Variants in DDX10 observed in about 807,000 individuals in gnomAD.
DDX10 encodes DEAD-box helicase 10, also known as probable ATP-dependent RNA helicase DDX10.
A neutral mutation model predicts 104.3 loss-of-function variants in DDX10; 74 were observed. The ratio of observed to expected loss-of-function variants is 0.71; its 90% CI spans 0.59 to 0.86. DDX10 has a LOEUF of 0.86. Among genes scored for constraint, DDX10 ranks in the 40% least tolerant of loss-of-function variants. The pLI is 0.00. For synonymous variants in DDX10, 351 were observed against 353.4 expected, an observed-to-expected ratio of 0.99 and a Z score of 0.08; for missense variants, 952 against 1,040.0, an observed-to-expected ratio of 0.92 and a Z score of 1.16.
intron 13 of DDX10, among the ~76,000 whole-genome samples, chr11:108,749,170 G>A (rs1301402566): frequency 1.3e-5 from 2 of 151,952 alleles, no homozygotes; most frequent in Non-Finnish European, 2.9e-5. Flanking sequence ...AAGCTGCTGG[G>A]ATTACAGGCG....
intron 13 of DDX10, among the ~76,000 whole-genome samples, chr11:108,728,718 G>A (rs1272317523): frequency 6.6e-6 from 1 of 151,888 alleles, no homozygotes; most frequent in African/African-American, 2.4e-5. Context: ...GGTTCTTTCT[G>A]TGTTCCCCAG....
chr11:108,713,007 C>T (rs1045755227), intron 10 of DDX10, among the ~76,000 whole-genome samples: 4 of 152,132 alleles, frequency 2.6e-5, no homozygotes, highest in African/African-American at 9.7e-5. Flanking sequence ...TCCTTGCTTG[C>T]ATGGTGTCTG....
intron 1 of DDX10, among the ~76,000 whole-genome samples, chr11:108,669,389 C>G (rs1174960213): frequency 6.6e-6 from 1 of 152,086 alleles, no homozygotes; most frequent in Non-Finnish European, 1.5e-5. Context: ...AGCCACTGTG[C>G]CTGGTGGAGC....
At chr11:108,697,210 T>A (rs1243624152) in intron 9 of DDX10, among the ~76,000 whole-genome samples, 4 of 148,552 alleles carry the variant, frequency 2.7e-5, no homozygotes, top group Non-Finnish European at 4.4e-5. Context: ...TGGAAAGGTT[T>A]AGCATATATA....
chr11:108,872,827 C>CCG (rs1350605673), intron 16 of DDX10, among the ~76,000 whole-genome samples: 2 of 150,394 alleles, frequency 1.3e-5, no homozygotes, highest in Non-Finnish European at 3.0e-5. Context: ...CGTTCCCCCC[C>CCG]CCTCCCATTT....
chr11:108,820,184 G>A (rs139512117), intron 13 of DDX10, among the ~76,000 whole-genome samples: 50 of 152,242 alleles, frequency 3.3e-4, no homozygotes, highest in Middle Eastern at 6.8e-3. Context: ...AAAACATCTA[G>A]CGTGGTGTTT....
intron 16 of DDX10, among the ~76,000 whole-genome samples, chr11:108,897,122 C>T (rs958635184): frequency 6.6e-6 from 1 of 152,052 alleles, no homozygotes. Flanking sequence ...AACAATAAAC[C>T]TTTTATGACT....
At position 108,857,480 on chromosome 11, in the gene DDX10, C is replaced by T. The variant is rs181196163; in HGVS notation, c.2304+5271C>T. Among the ~76,000 whole-genome samples, 32 of 152,236 alleles carry T rather than the reference C, an allele frequency of 2.1e-4. No homozygotes were observed. The East Asian group carries it at 5.4e-3, about 26-fold the overall frequency. On this transcript the variant is annotated intron_variant, in intron 16 of 17. Coordinates refer to ENST00000322536, the MANE Select transcript of DDX10 (RefSeq NM_004398.4). ...TCCCGTGGTCCCCTGTCTAGAGCAC[C>T]GCCAATAATTACAGTGCTGATGTGG... is the stretch of plus-strand genomic sequence containing the variant.
intron 16 of DDX10, among the ~76,000 whole-genome samples, chr11:108,861,640 G>A (rs1862942881): frequency 6.6e-6 from 1 of 152,178 alleles, no homozygotes; most frequent in Admixed American, 6.5e-5. Context: ...AAAAAAGGGA[G>A]TCATTACTGG....
chr11:108,875,998 G>T (rs1374472721), intron 16 of DDX10, among the ~76,000 whole-genome samples: 1 of 152,172 alleles, frequency 6.6e-6, no homozygotes, highest in Non-Finnish European at 1.5e-5. Context: ...TGCACGTGAA[G>T]AAAATAGAAC....
intron 15 of DDX10, among the ~76,000 whole-genome samples, chr11:108,849,685 C>CT (rs943662192): frequency 2.0e-5 from 3 of 151,968 alleles, no homozygotes; most frequent in African/African-American, 4.8e-5. Flanking sequence ...ATTTTGCCTT[C>CT]TTTTTTTGTA....
intron 13 of DDX10, chr11:108,822,612 C>A (rs1008145260): frequency 6.0e-6 from 1 of 165,618 alleles, no homozygotes; most frequent in African/African-American, 2.4e-5. Flanking sequence ...GGGCACACTT[C>A]TGAACAAAAA....
At chr11:108,812,365 T>A (rs886395948) in intron 13 of DDX10, among the ~76,000 whole-genome samples, 3 of 152,212 alleles carry the variant, frequency 2.0e-5, no homozygotes, top group African/African-American at 7.2e-5. Flanking sequence ...ATTAACTGCC[T>A]TTGTTTTCAG....
At chr11:108,797,271 A>G (rs1861956355) in intron 13 of DDX10, among the ~76,000 whole-genome samples, 2 of 152,182 alleles carry the variant, frequency 1.3e-5, no homozygotes, top group Admixed American at 6.5e-5. Context: ...TGACCTCATG[A>G]TCCGTCTGCC....
intron 16 of DDX10, among the ~76,000 whole-genome samples, chr11:108,916,981 T>A (rs1863758800): frequency 4.6e-5 from 7 of 152,058 alleles, no homozygotes; most frequent in Admixed American, 4.6e-4. Flanking sequence ...CCTCCCCTTC[T>A]CCCATTCTTC....
intron 16 of DDX10, among the ~76,000 whole-genome samples, chr11:108,904,367 G>C (rs149103885): frequency 4.6e-5 from 7 of 152,272 alleles, no homozygotes; most frequent in Admixed American, 3.9e-4. Flanking sequence ...TTTTACATTT[G>C]TAGGAATGTT....
At chr11:108,900,988 G>A (rs913771656) in intron 16 of DDX10, among the ~76,000 whole-genome samples, 59 of 152,038 alleles carry the variant, frequency 3.9e-4, no homozygotes, top group African/African-American at 1.4e-3. Flanking sequence ...TTTACCCTGA[G>A]CGTAAGTGAA....
chr11:108,771,327 T>A (rs1246517517), intron 13 of DDX10, among the ~76,000 whole-genome samples: 3 of 152,058 alleles, frequency 2.0e-5, no homozygotes, highest in Non-Finnish European at 2.9e-5. Flanking sequence ...TATTGATTGT[T>A]TCCTTTGCTG....
At chr11:108,801,512 GACACT>G (rs1862020031) in intron 13 of DDX10, among the ~76,000 whole-genome samples, 1 of 152,172 alleles carries the variant, frequency 6.6e-6, no homozygotes, top group Non-Finnish European at 1.5e-5. Context: ...TGTGAATCCT[GACACT>G]ACACTATGTG....
Sources: allele counts gnomAD v4.1 joint callset (sites outside exome capture counted in the v4.1 genomes callset), GRCh38; gene constraint gnomAD v4.1.1; transcripts MANE v1.5; gene names NCBI Gene and HGNC (gene_info 2026-07-23, HGNC 2026-07-21).